CDYL2: variants seen among roughly 807,000 people sequenced by gnomAD.
The protein encoded by CDYL2 is chromodomain Y like 2.
CDYL2 carries 23 observed loss-of-function variants against 49.4 expected under a neutral mutation model. The ratio of observed to expected loss-of-function variants is 0.47; its 90% CI spans 0.34 to 0.66. CDYL2 has a LOEUF of 0.66. CDYL2 is among the 30% of genes least tolerant of loss of function. CDYL2 has a pLI of 0.01. For synonymous variants in CDYL2, 360 were observed against 268.8 expected (o/e 1.34, Z -3.32); for missense variants, 678 against 656.4 (o/e 1.03, Z -0.36).
intron 2 of CDYL2, among the ~76,000 whole-genome samples, chr16:80,651,835 C>T (rs1226480182): frequency 6.6e-6 from 1 of 152,146 alleles, no homozygotes; most frequent in African/African-American, 2.4e-5. Context: ...GCTAACAATT[C>T]TGATACTGTT....
Position 80,602,000 on chromosome 16 carries a change from T to C in CDYL2, c.*2388A>G, listed in dbSNP as rs886278910. On this transcript the variant is annotated 3_prime_UTR_variant, in exon 7 of 7. Coordinates refer to ENST00000570137, the MANE Select transcript of CDYL2 (RefSeq NM_152342.4). ...AGGAATTTCTAAACATCCCCTTCCA[T>C]GTCCAAGGAGAATCCTGACCCCACT... 1 of 152,192 alleles carries C rather than the reference T, an allele frequency of 6.6e-6. No individual in the cohort carries two copies. 9.4% of individuals were successfully genotyped at this position (152,192 alleles called of 1,614,324 possible). A position where few individuals can be genotyped will look rare whatever the true frequency, so the allele number is the denominator to read the frequency against.
intron 1 of CDYL2, among the ~76,000 whole-genome samples, chr16:80,760,555 A>G (rs1006247956): frequency 6.6e-6 from 1 of 152,192 alleles, no homozygotes; most frequent in Non-Finnish European, 1.5e-5. Flanking sequence ...TGATGTAATG[A>G]TTACACATTG....
At chr16:80,782,028 G>A (rs1025119542) in intron 1 of CDYL2, among the ~76,000 whole-genome samples, 5 of 151,612 alleles carry the variant, frequency 3.3e-5, no homozygotes, top group African/African-American at 1.2e-4. Flanking sequence ...CTTGTAGAAA[G>A]AAGTAAATAA....
Position 80,732,993 on chromosome 16 carries a change from T to C in CDYL2, c.25-47864A>G, listed in dbSNP as rs374806246. On this transcript the variant is annotated intron_variant, in intron 1 of 6. Transcript: ENST00000570137. ...CTATTTAGTGTCCCAAAAGATGTGA[T>C]AAAGCCATTGATCAAAACAGACTCA... Among the ~76,000 whole-genome samples, 3 of 152,178 alleles carry C rather than the reference T, an allele frequency of 2.0e-5. No individual in the cohort carries two copies. In the East Asian group the frequency reaches 5.8e-4, roughly 29 times the overall value.
rs781782571 is a variant in CDYL2 at position 80,604,552 on chromosome 16, G to A, written c.1363-6C>T. Reference sequence around the variant, plus strand: ...CATTTGGACTCCTCTAACACCTAGAGGGAAATAGACAGGCCTGATTAGCCG... The same window carrying A: ...CATTTGGACTCCTCTAACACCTAGAAGGAAATAGACAGGCCTGATTAGCCG... On this transcript the variant is annotated splice_region_variant and splice_polypyrimidine_tract_variant and intron_variant, in intron 6 of 6. Transcript: ENST00000570137. 1.2e-6 allele frequency: 2 copies of A among 1,614,190 alleles called. No individual in the cohort carries two copies. The highest frequency in any genetic ancestry group is 2.2e-5 in the East Asian group (1 of 44,880).
In CDYL2 at chr16:80,685,127, A is replaced by G. The variant is rs749915100; in HGVS notation, c.27T>C (p.Val9=). The G allele has an allele frequency of 2.5e-6, 4 of 1,605,058 alleles. No homozygotes were observed. In the South Asian group the frequency reaches 4.4e-5, roughly 18 times the overall value. The change falls in exon 2 of 7, where the codon GTT becomes GTC. Residue 9 remains valine (V), a splice_region_variant and synonymous_variant. Transcript: ENST00000570137. ...TCTTCCTCTTGTCTACAATCCTTTC[A>G]ACCTGCGATACAAGATGAGAGGGTC... is the stretch of plus-strand genomic sequence containing the variant. MASGDLYE[V]ERIVDKRKNK... is the part of the protein sequence containing the mutation.
chr16:80,772,454 A>AT (rs1906937926), intron 1 of CDYL2, among the ~76,000 whole-genome samples: 1 of 152,086 alleles, frequency 6.6e-6, no homozygotes, highest in Non-Finnish European at 1.5e-5. Context: ...GCAAATTGCA[A>AT]TTTTTTTATT....
chr16:80,653,379 C>T (rs576287523), intron 2 of CDYL2, among the ~76,000 whole-genome samples: 34 of 152,280 alleles, frequency 2.2e-4, no homozygotes, highest in African/African-American at 7.9e-4. Flanking sequence ...GCAGGAGAAT[C>T]GCTTGAACCC....
intron 1 of CDYL2, among the ~76,000 whole-genome samples, chr16:80,742,825 C>A (rs1905792290): frequency 1.4e-5 from 2 of 141,718 alleles, no homozygotes; most frequent in Non-Finnish European, 3.0e-5. Context: ...AAATGAAAGA[C>A]TGGGTGGTTG....
In CDYL2 at chr16:80,668,376, C is replaced by G. The variant is rs534603656; in HGVS notation, c.616+16162G>C. On this transcript the variant is annotated intron_variant, in intron 2 of 6. Coordinates refer to ENST00000570137, the MANE Select transcript of CDYL2 (RefSeq NM_152342.4). ...CAGACAGATATATACATATCTATACCTACATACATGGAGAGAGAAAGAAAT... is the reference window on the plus strand; with the variant it reads ...CAGACAGATATATACATATCTATACGTACATACATGGAGAGAGAAAGAAAT... Among the ~76,000 whole-genome samples, 57 of 152,144 alleles carry G rather than the reference C, an allele frequency of 3.7e-4. 2 individuals carry two copies. In the South Asian group the frequency reaches 0.012, roughly 31 times the overall value.
At chr16:80,711,957 G>GTA (rs1312236677) in intron 1 of CDYL2, among the ~76,000 whole-genome samples, 3 of 150,638 alleles carry the variant, frequency 2.0e-5, no homozygotes, top group Admixed American at 6.6e-5. Context: ...ATATGTGTGT[G>GTA]TATATATATG....
intron 4 of CDYL2, among the ~76,000 whole-genome samples, chr16:80,614,869 GAAAAAAA>G (rs57112645): frequency 5.6e-5 from 4 of 71,346 alleles, no homozygotes; most frequent in Admixed American, 3.5e-4. Flanking sequence ...GTCTCAGGGA[GAAAAAAA>G]AAAAAAAAAA....
At chr16:80,666,679 G>C (rs901891169) in intron 2 of CDYL2, among the ~76,000 whole-genome samples, 5 of 152,194 alleles carry the variant, frequency 3.3e-5, no homozygotes, top group African/African-American at 1.2e-4. Flanking sequence ...ACCATGAGCA[G>C]AGGCTGTGAA....
intron 1 of CDYL2, among the ~76,000 whole-genome samples, chr16:80,761,881 T>TA (rs371781974): frequency 0.012 from 1,443 of 122,490 alleles, 8 homozygotes; most frequent in Non-Finnish European, 0.014. Context: ...AGGAGAAAAT[T>TA]AAAAAAAAAA....
chr16:80,685,138 CA>C lies in CDYL2; in HGVS notation c.25-10del. The stretch of plus-strand genomic sequence containing the variant: ...TCTACAATCCTTTCAACCTGCGATA[CA>C]AGATGAGAGGGTCAGAAAACAGAGA... On this transcript the variant is annotated splice_polypyrimidine_tract_variant and intron_variant, in intron 1 of 6. Coordinates refer to ENST00000570137, the MANE Select transcript of CDYL2 (RefSeq NM_152342.4). 6.3e-7 allele frequency: 1 copy of C among 1,595,350 alleles called. No individual in the cohort carries two copies. The highest frequency in any genetic ancestry group is 8.6e-7 in the Non-Finnish European group (1 of 1,167,816).
At chr16:80,724,186 G>A (rs887388027) in intron 1 of CDYL2, among the ~76,000 whole-genome samples, 4 of 149,326 alleles carry the variant, frequency 2.7e-5, no homozygotes, top group African/African-American at 7.4e-5. Context: ...AGAGGAAGAG[G>A]AGAGGAGGAG....
intron 3 of CDYL2, among the ~76,000 whole-genome samples, chr16:80,630,211 G>A (rs1567547518): frequency 6.6e-6 from 1 of 152,186 alleles, no homozygotes; most frequent in African/African-American, 2.4e-5. Flanking sequence ...AACTTTGACT[G>A]TTTTCCTCCT....
At chr16:80,758,453 C>T (rs1374157879) in intron 1 of CDYL2, among the ~76,000 whole-genome samples, 1 of 150,738 alleles carries the variant, frequency 6.6e-6, no homozygotes, top group Non-Finnish European at 1.5e-5. Flanking sequence ...CAAATGTGTA[C>T]AACACTGGAT....
chr16:80,735,738 G>C (rs990387238), intron 1 of CDYL2, among the ~76,000 whole-genome samples: 1 of 152,198 alleles, frequency 6.6e-6, no homozygotes, highest in Non-Finnish European at 1.5e-5. Context: ...ACTCTCGACA[G>C]AGTACTCTGA....
Sources: allele counts gnomAD v4.1 joint callset (sites outside exome capture counted in the v4.1 genomes callset), GRCh38; gene constraint gnomAD v4.1.1; transcripts MANE v1.5; gene names NCBI Gene and HGNC (gene_info 2026-07-23, HGNC 2026-07-21).